PTH2R: variants seen among roughly 807,000 people sequenced by gnomAD.
PTH2R encodes the protein PTH2 receptor.
A neutral mutation model predicts 60.3 loss-of-function variants in PTH2R; 59 were observed. The ratio of observed to expected loss-of-function variants is 0.98; its 90% CI spans 0.79 to 1.22. PTH2R has a LOEUF of 1.22. PTH2R is among the 50% of genes most tolerant of loss of function. The pLI is 0.00. For synonymous variants in PTH2R, 256 were observed against 243.8 expected, an observed-to-expected ratio of 1.05 and a Z score of -0.47; for missense variants, 749 against 682.6, an observed-to-expected ratio of 1.10 and a Z score of -1.08.
At chr2:208,459,812 T>A in intron 8 of PTH2R, 83 bp from the exon 9 acceptor site, 1 of 1,173,330 alleles carries the variant, frequency 8.5e-7, no homozygotes, top group Non-Finnish European at 1.3e-6. Context: ...GGGTTGGAGT[T>A]TTTGGTAAAA....
At chr2:208,416,320 A>G (rs956462357) in intron 1 of PTH2R, among the ~76,000 whole-genome samples, 5 of 152,196 alleles carry the variant, frequency 3.3e-5, no homozygotes, top group African/African-American at 1.2e-4. Flanking sequence ...TATTTATTGT[A>G]TTATTTATCT....
chr2:208,453,642 A>G (rs1702452631), intron 8 of PTH2R, among the ~76,000 whole-genome samples: 1 of 152,180 alleles, frequency 6.6e-6, no homozygotes, highest in Non-Finnish European at 1.5e-5. Context: ...TCTTTGCTCC[A>G]TATCTATTAA....
intron 1 of PTH2R, among the ~76,000 whole-genome samples, chr2:208,377,165 G>A (rs1047529257): frequency 1.5e-4 from 23 of 152,060 alleles, no homozygotes; most frequent in Non-Finnish European, 2.9e-4. Context: ...CACAGCACAT[G>A]TTTCAGAGAG....
chr2:208,371,802 T>C lies in PTH2R; in HGVS notation c.-259+11565T>C, dbSNP rs13411624. ...TTGCCACTCACTGTGTGTTGTGATA[T>C]GACATACTCATAATGGGGTAGGACA... On this transcript the variant is annotated intron_variant, in intron 1 of 12. Transcript: ENST00000617735. Among the ~76,000 whole-genome samples the C allele has an allele frequency of 9.0e-3, 1,364 of 152,220 alleles. 36 individuals are homozygous for C. Among genetic ancestry groups the C allele is most frequent in the African/African-American group, 0.032 (1,314 of 41,460 alleles).
chr2:208,419,514 G>C (rs1175806974), intron 1 of PTH2R, among the ~76,000 whole-genome samples: 1 of 152,190 alleles, frequency 6.6e-6, no homozygotes, highest in Admixed American at 6.5e-5. Flanking sequence ...CTGTGCAGAA[G>C]CTGTTTAGTT....
chr2:208,456,807 T>C (rs1391958012), intron 8 of PTH2R, among the ~76,000 whole-genome samples: 1 of 152,152 alleles, frequency 6.6e-6, no homozygotes, highest in Non-Finnish European at 1.5e-5. Context: ...ACAGTGTGAG[T>C]GGGAACATTG....
intron 2 of PTH2R, among the ~76,000 whole-genome samples, chr2:208,431,802 A>G (rs1010829366): frequency 6.6e-5 from 10 of 152,134 alleles, no homozygotes; most frequent in African/African-American, 2.2e-4. Flanking sequence ...ACACCACCAA[A>G]ACTCTAAGTA....
chr2:208,437,751 T>G lies in PTH2R; in HGVS notation c.290-9T>G. 6.2e-7 allele frequency: 1 copy of G among 1,609,928 alleles called. No homozygotes were observed. Among genetic ancestry groups the G allele is most frequent in the South Asian group, 1.1e-5 (1 of 90,888 alleles). On this transcript the variant is annotated splice_polypyrimidine_tract_variant and intron_variant, in intron 3 of 12. Transcript: ENST00000272847. ...CTGAGCGATCTCAGCATCTTTCATG[T>G]CTTTACAGGAGTTGCTTTCCGACAC...
intron 11 of PTH2R, among the ~76,000 whole-genome samples, chr2:208,489,885 C>G (rs1187681906): frequency 1.3e-5 from 2 of 152,176 alleles, no homozygotes; most frequent in Non-Finnish European, 2.9e-5. Context: ...ACCTCTGCCT[C>G]TAGGGCTCAC....
intron 1 of PTH2R, among the ~76,000 whole-genome samples, chr2:208,379,967 A>C (rs550229260): frequency 4.6e-5 from 7 of 152,154 alleles, no homozygotes; most frequent in Admixed American, 2.6e-4. Context: ...AATCATCCCA[A>C]ATCAATTATC....
chr2:208,431,062 A>T (rs993318268), intron 2 of PTH2R, among the ~76,000 whole-genome samples: 2 of 152,122 alleles, frequency 1.3e-5, no homozygotes, highest in Non-Finnish European at 2.9e-5. Context: ...AAGAAGACAA[A>T]TATGGGACCT....
chr2:208,437,849 C>G lies in PTH2R; in HGVS notation c.379C>G (p.Arg127Gly), dbSNP rs373798724. 5 of 1,613,754 alleles carry G rather than the reference C, an allele frequency of 3.1e-6. No homozygotes were observed. The highest frequency in any genetic ancestry group is 4.2e-6 in the Non-Finnish European group (5 of 1,179,696). ...KTWANYSDCL[R>G]FLQPDISIGK... ...ATGGGCCAATTATTCAGACTGCCTT[C>G]GCTTTCTGCAGCCAGATATCAGCAT... The change falls in exon 4 of 13, where the codon CGC becomes GGC. Residue 127 changes from arginine (R) to glycine (G), a missense_variant. Coordinates refer to ENST00000272847, the MANE Select transcript of PTH2R (RefSeq NM_005048.4).
At chr2:208,487,083 C>T (rs1228117630) in intron 10 of PTH2R, among the ~76,000 whole-genome samples, 1 of 152,286 alleles carries the variant, frequency 6.6e-6, no homozygotes, top group Non-Finnish European at 1.5e-5. Context: ...AATATGATTT[C>T]AACATGATTT....
At chr2:208,415,024 A>G (rs1701612161) in intron 1 of PTH2R, among the ~76,000 whole-genome samples, 1 of 152,194 alleles carries the variant, frequency 6.6e-6, no homozygotes, top group African/African-American at 2.4e-5. Flanking sequence ...AGGAGACATG[A>G]CAACTAAACA....
chr2:208,397,576 G>T (rs561968160), intron 1 of PTH2R, among the ~76,000 whole-genome samples: 3 of 151,990 alleles, frequency 2.0e-5, no homozygotes, highest in East Asian at 1.9e-4. Flanking sequence ...AGATAGAGGT[G>T]GGGGGGCTCT....
At chr2:208,403,007 TA>T (rs1304754461), upstream of PTH2R, among the ~76,000 whole-genome samples, 3 of 152,250 alleles carry the variant, frequency 2.0e-5, no homozygotes, top group Non-Finnish European at 2.9e-5. Flanking sequence ...TTTCCTCATC[TA>T]AATAGGTACT....
intron 5 of PTH2R, 125 bp downstream of exon 5, chr2:208,442,586 A>C: frequency 1.4e-6 from 1 of 693,356 alleles, no homozygotes; most frequent in East Asian, 2.6e-5. Flanking sequence ...ATTCAGCCTA[A>C]TGTTATTATG....
intron 1 of PTH2R, chr2:208,360,540 C>T (rs765063009): frequency 5.8e-5 from 9 of 156,244 alleles, no homozygotes; most frequent in South Asian, 1.8e-4. Context: ...CCCTCTCGCT[C>T]GCTCGGGGCT....
At chr2:208,484,999 G>T (rs541784647) in intron 10 of PTH2R, among the ~76,000 whole-genome samples, 2 of 152,324 alleles carry the variant, frequency 1.3e-5, no homozygotes, top group African/African-American at 4.8e-5. Flanking sequence ...GAGACAGAGA[G>T]AGTGGGAGAG....
Sources: allele counts gnomAD v4.1 joint callset (sites outside exome capture counted in the v4.1 genomes callset), GRCh38; gene constraint gnomAD v4.1.1; transcripts MANE v1.5; gene names NCBI Gene and HGNC (gene_info 2026-07-23, HGNC 2026-07-21).